MAPK8IP3: variants seen among roughly 807,000 people sequenced by gnomAD.
MAPK8IP3 encodes C-Jun-amino-terminal kinase-interacting protein 3.
In MAPK8IP3, 49 loss-of-function variants were observed where a neutral mutation model predicts 157.8. The ratio of observed to expected loss-of-function variants is 0.31; its 90% CI spans 0.25 to 0.39. The LOEUF (loss-of-function observed/expected upper bound fraction) is 0.39. MAPK8IP3 is among the 10% of genes least tolerant of loss of function. MAPK8IP3 has a pLI of 1.00. For missense variants in MAPK8IP3, 1,478 were observed against 1,889.4 expected, an observed-to-expected ratio of 0.78 and a Z score of 4.04; for synonymous variants, 897 against 777.7, an observed-to-expected ratio of 1.15 and a Z score of -2.55.
rs183823800 is a variant in MAPK8IP3, at chr16:1,730,713, G to T, written c.602+1135G>T. Among the ~76,000 whole-genome samples, 15 of 152,072 alleles carry T rather than the reference G, an allele frequency of 9.9e-5. No individual in the cohort carries two copies. In the South Asian group the frequency reaches 1.7e-3, roughly 17 times the overall value. ...AAAAAATTAGCCGGGTGTGGTGGCGGGCGCCTGTAGTTCCAGCTATTCTGG... is the reference window on the plus strand; with the variant it reads ...AAAAAATTAGCCGGGTGTGGTGGCGTGCGCCTGTAGTTCCAGCTATTCTGG... On this transcript the variant is annotated intron_variant, in intron 4 of 31. Coordinates refer to ENST00000610761, the MANE Select transcript of MAPK8IP3 (RefSeq NM_001318852.2).
chr16:1,732,470 C>T (rs1283691013), intron 4 of MAPK8IP3, among the ~76,000 whole-genome samples: 2 of 152,258 alleles, frequency 1.3e-5, no homozygotes, highest in African/African-American at 2.4e-5. Flanking sequence ...AGTCTCTGGA[C>T]GTGAGAGCAA....
In MAPK8IP3 at chr16:1,729,060, C is replaced by T. The variant is rs1166518186; in HGVS notation, c.440-78C>T. 5 of 1,376,562 alleles carry T rather than the reference C, an allele frequency of 3.6e-6. No individual in the cohort carries two copies. The Admixed American group carries it at 5.1e-5, about 14-fold the overall frequency. 85.3% of individuals were successfully genotyped at this position (1,376,562 alleles called of 1,614,324 possible). A position where few individuals can be genotyped will look rare whatever the true frequency, so the allele number is the denominator to read the frequency against. On this transcript the variant is annotated intron_variant, in intron 2 of 31. Transcript: ENST00000610761. ...CCCAGCCTTGTCCTGGAACCCCCTC[C>T]CTCTGTGGTTACAACCCAAGAGTTC...
In MAPK8IP3 at chr16:1,763,745, C is replaced by G. The variant is rs1326086805; in HGVS notation, c.1987C>G (p.Gln663Glu). 6.3e-7 allele frequency: 1 copy of G among 1,589,620 alleles called. No homozygotes were observed. Among genetic ancestry groups the G allele is most frequent in the East Asian group, 2.3e-5 (1 of 43,346 alleles). The change falls in exon 17 of 32, where the codon CAG becomes GAG. Residue 663 changes from glutamine (Q) to glutamate (E), a missense_variant. Physicochemically the swap from Gln to Glu is conservative, Grantham distance 29. Coordinates refer to ENST00000610761, the MANE Select transcript of MAPK8IP3 (RefSeq NM_001318852.2). ...CGTGCGTAACGACGACGGCCGTCTG[C>G]AGGCCTGCGGCTGGAGCCTGCCCGC... ...EHVRNDDGRL[Q>E]ACGWSLPAKY...
At position 1,762,925 on chromosome 16, in the gene MAPK8IP3, C is replaced by G. The variant is rs1159200185; in HGVS notation, c.1817C>G (p.Thr606Ser). ...SVNIHYKSPT[T>S]AGFSQRRNHA... is the part of the protein sequence containing the mutation. ...AACATCCACTACAAGTCACCCACCACTGCCGGCTTCAGCCAGCGCCGCAAC... is the reference window on the plus strand; with the variant it reads ...AACATCCACTACAAGTCACCCACCAGTGCCGGCTTCAGCCAGCGCCGCAAC... Residue 606 changes from threonine to serine, a missense_variant, in exon 16 of 32, where the codon ACT (threonine) becomes AGT (serine). Around this residue, in one of 11 missense-constraint regions of MAPK8IP3, gnomAD observed 669 missense variants for 759.8 expected, o/e 0.88. Transcript: ENST00000610761. 1 of 1,613,116 alleles carries G rather than the reference C, an allele frequency of 6.2e-7. No homozygotes were observed.
At chr16:1,712,252 G>A (rs892763807) in intron 1 of MAPK8IP3, among the ~76,000 whole-genome samples, 1 of 151,548 alleles carries the variant, frequency 6.6e-6, no homozygotes, top group Admixed American at 6.6e-5. Flanking sequence ...TAGTAGAGAT[G>A]GGGTTTCACC....
At chr16:1,759,030 C>T in intron 10 of MAPK8IP3, 35 bp downstream of exon 10, 3 of 1,613,252 alleles carry the variant, frequency 1.9e-6, no homozygotes, top group Non-Finnish European at 2.5e-6. Flanking sequence ...GTGCGTCGCT[C>T]CTCCACCCCG....
At chr16:1,737,178 G>C (rs559620282) in intron 4 of MAPK8IP3, among the ~76,000 whole-genome samples, 1 of 98,276 alleles carries the variant, frequency 1.0e-5, no homozygotes, top group South Asian at 6.2e-4. Context: ...CCGTGTGAGC[G>C]TGTGACCGTC....
chr16:1,707,130 T>C (rs1250164077), intron 1 of MAPK8IP3: 1 of 161,148 alleles, frequency 6.2e-6, no homozygotes, highest in Non-Finnish European at 1.3e-5. Flanking sequence ...CGACCCCAAG[T>C]GCTACCTCTG....
rs372697009 is a variant in MAPK8IP3, at chr16:1,765,168, C to A, written c.2436C>A (p.Ser812=). Residue 812 remains serine (S), a synonymous_variant, in exon 20 of 32, where the codon TCC becomes TCA. Coordinates refer to ENST00000610761, the MANE Select transcript of MAPK8IP3 (RefSeq NM_001318852.2). The stretch of plus-strand genomic sequence containing the variant: ...GCAACGCGCACGTGCTGTGCATCTC[C>A]AGCATCCCCGGTGAGCAGCTGGAGT... ...TVCNAHVLCI[S]SIPAASDSDY... The A allele has an allele frequency of 6.3e-7, 1 of 1,594,486 alleles. No individual in the cohort carries two copies. The highest frequency in any genetic ancestry group is 1.3e-5 in the African/African-American group (1 of 74,722).
At chr16:1,760,343 G>A (rs755940346) in intron 11 of MAPK8IP3, 37 bp from the exon 12 acceptor site, 76 of 1,591,104 alleles carry the variant, frequency 4.8e-5, no homozygotes, top group East Asian at 4.5e-5. Context: ...CCTGTATGCC[G>A]CGCCCGTGGC....
chr16:1,711,289 C>G (rs2037753646), intron 1 of MAPK8IP3, among the ~76,000 whole-genome samples: 1 of 152,218 alleles, frequency 6.6e-6, no homozygotes, highest in Admixed American at 6.5e-5. Context: ...GTCCTGTGTT[C>G]TGCGGTGGCC....
intron 4 of MAPK8IP3, among the ~76,000 whole-genome samples, chr16:1,738,868 AGT>A (rs1220987388): frequency 1.3e-4 from 12 of 94,164 alleles, no homozygotes; most frequent in African/African-American, 1.7e-4. Flanking sequence ...CGTCCGTGTG[AGT>A]GTGACCATCC....
In MAPK8IP3 at chr16:1,768,832, G is replaced by T. The variant is rs951402726; in HGVS notation, c.*8G>T. The T allele has an allele frequency of 6.2e-7, 1 of 1,611,380 alleles. No individual in the cohort carries two copies. The highest frequency in any genetic ancestry group is 8.5e-7 in the Non-Finnish European group (1 of 1,179,648). On this transcript the variant is annotated 3_prime_UTR_variant, in exon 32 of 32. Coordinates refer to ENST00000610761, the MANE Select transcript of MAPK8IP3 (RefSeq NM_001318852.2). ...TCCTACACCCCCGAGTGAAGCTGCT[G>T]CCCTGCCTGGCCCGACCTGTACATA...
At chr16:1,761,004 G>C (rs2041901485) in intron 12 of MAPK8IP3, among the ~76,000 whole-genome samples, 1 of 152,228 alleles carries the variant, frequency 6.6e-6, no homozygotes, top group South Asian at 2.1e-4. Flanking sequence ...CTGGGCTTCA[G>C]AGCACTCATG....
At chr16:1,708,934 C>T (rs939855196) in intron 1 of MAPK8IP3, among the ~76,000 whole-genome samples, 2 of 152,174 alleles carry the variant, frequency 1.3e-5, no homozygotes, top group South Asian at 2.1e-4. Flanking sequence ...TGTGGGTCGG[C>T]GTCTTTTCTA....
intron 8 of MAPK8IP3, among the ~76,000 whole-genome samples, chr16:1,749,983 C>A (rs930068280): frequency 5.3e-5 from 8 of 152,178 alleles, no homozygotes; most frequent in African/African-American, 1.9e-4. Flanking sequence ...TAGTGTTGGA[C>A]ACACTGTACT....
chr16:1,720,959 A>T (rs1216246369), intron 1 of MAPK8IP3, among the ~76,000 whole-genome samples: 1 of 149,632 alleles, frequency 6.7e-6, no homozygotes, highest in South Asian at 2.1e-4. Flanking sequence ...GCTTGCACCC[A>T]GGGGGCGGAG....
In MAPK8IP3 at chr16:1,769,212, T is replaced by C; in HGVS notation, c.*388T>C. 1 of 241,168 alleles carries C rather than the reference T, an allele frequency of 4.1e-6. No individual in the cohort carries two copies. The highest frequency in any genetic ancestry group is 4.9e-5 in the South Asian group (1 of 20,592). The allele number at this position is 241,168 out of a possible 1,614,324, so 14.9% of individuals were successfully genotyped here. On this transcript the variant is annotated 3_prime_UTR_variant, in exon 32 of 32. Coordinates refer to ENST00000610761, the MANE Select transcript of MAPK8IP3 (RefSeq NM_001318852.2). ...GGCAGGGGCTCCCCGCCGCCGAGGC[T>C]GCCTGCCCTGGGCCCACCTCTGCAT...
At chr16:1,748,181 G>A (rs893484212) in intron 6 of MAPK8IP3, 63 bp from the exon 7 acceptor site, 19 of 1,289,192 alleles carry the variant, frequency 1.5e-5, no homozygotes, top group African/African-American at 8.7e-5. Flanking sequence ...GAGGGCAGCC[G>A]TGAGCAGGGC....
Sources: gnomAD v4.1 joint callset for allele counts (sites outside exome capture counted in the v4.1 genomes callset) on GRCh38, gnomAD v4.1.1 for gene constraint, gnomAD v4.1.1 regional missense constraint, MANE v1.5 for transcripts, NCBI Gene and HGNC (gene_info 2026-07-23, HGNC 2026-07-21) for gene names.